The following CDH18 variants were observed in gnomAD, a reference collection of about 807,000 sequenced individuals.
The protein encoded by CDH18 is cadherin 18, also known as cadherin-18.
Under a neutral mutation model 67.9 loss-of-function variants are expected in CDH18, and 31 were observed. The observed-to-expected ratio is 0.46, with a 90% confidence interval of 0.34 to 0.62. The LOEUF (loss-of-function observed/expected upper bound fraction) is 0.62, where lower values mean the gene tolerates loss of function less well. Among genes scored for constraint, CDH18 ranks in the 20% least tolerant of loss-of-function variants. CDH18 has a pLI of 0.01. For missense variants in CDH18, 890 were observed against 975.5 expected (o/e 0.91, Z 1.17); for synonymous variants, 362 against 347.2 (o/e 1.04, Z -0.48).
At chr5:19,836,091 A>T (rs1397793903) in intron 3 of CDH18, among the ~76,000 whole-genome samples, 1 of 152,092 alleles carries the variant, frequency 6.6e-6, no homozygotes, top group East Asian at 1.9e-4. Flanking sequence ...TTTCCAGAAA[A>T]TTTTGTTTCT....
chr5:20,453,539 ATG>A (rs993191236), intron 1 of CDH18, among the ~76,000 whole-genome samples: 9 of 150,960 alleles, frequency 6.0e-5, no homozygotes, highest in African/African-American at 1.9e-4. Context: ...GTCTATAGAT[ATG>A]TGTGTATATG....
intron 5 of CDH18, among the ~76,000 whole-genome samples, chr5:19,693,660 G>A (rs1326850407): frequency 6.6e-6 from 1 of 152,126 alleles, no homozygotes; most frequent in Non-Finnish European, 1.5e-5. Flanking sequence ...ACTTTGGGAG[G>A]CCAAGGCAGG....
At chr5:20,476,409 T>TC (rs548369126) in intron 1 of CDH18, among the ~76,000 whole-genome samples, 128 of 151,872 alleles carry the variant, frequency 8.4e-4, no homozygotes, top group Non-Finnish European at 1.5e-3. Flanking sequence ...ATTTGATGAG[T>TC]CAGATCTTGA....
At chr5:20,222,006 C>G (rs551041713) in intron 2 of CDH18, among the ~76,000 whole-genome samples, 1 of 152,248 alleles carries the variant, frequency 6.6e-6, no homozygotes, top group South Asian at 2.1e-4. Flanking sequence ...ATGCTCAAAG[C>G]TCCAGATCAG....
At chr5:20,227,734 T>C (rs989839773) in intron 2 of CDH18, among the ~76,000 whole-genome samples, 1 of 152,010 alleles carries the variant, frequency 6.6e-6, no homozygotes, top group Admixed American at 6.6e-5. Context: ...GCAGTCCTAA[T>C]ACCTCAGCCT....
At chr5:20,505,190 T>A (rs757847050) in intron 1 of CDH18, among the ~76,000 whole-genome samples, 2 of 152,146 alleles carry the variant, frequency 1.3e-5, no homozygotes, top group African/African-American at 4.8e-5. Flanking sequence ...ATAAGTACAG[T>A]CTGTTACAAA....
intron 2 of CDH18, among the ~76,000 whole-genome samples, chr5:20,136,392 C>T (rs904101686): frequency 1.3e-5 from 2 of 152,122 alleles, no homozygotes; most frequent in African/African-American, 4.8e-5. Flanking sequence ...TCTGTTTTAT[C>T]AGAGACTAGG....
intron 2 of CDH18, among the ~76,000 whole-genome samples, chr5:20,132,081 G>T (rs977652745): frequency 9.2e-5 from 14 of 151,978 alleles, no homozygotes; most frequent in African/African-American, 2.9e-4. Flanking sequence ...TAGAGACGGG[G>T]TTTAACCATG....
chr5:20,080,424 G>A (rs899120014), intron 2 of CDH18, among the ~76,000 whole-genome samples: 3 of 152,104 alleles, frequency 2.0e-5, no homozygotes, highest in African/African-American at 7.2e-5. Context: ...TGATATACAA[G>A]TATAGTCAAC....
chr5:19,953,383 C>T (rs571066865), intron 2 of CDH18, among the ~76,000 whole-genome samples: 240 of 152,052 alleles, frequency 1.6e-3, no homozygotes, highest in Non-Finnish European at 2.7e-3. Context: ...CTTATTGTCT[C>T]TCTATTGGTT....
intron 5 of CDH18, among the ~76,000 whole-genome samples, chr5:19,629,783 T>A (rs1046882223): frequency 6.6e-6 from 1 of 152,234 alleles, no homozygotes; most frequent in African/African-American, 2.4e-5. Flanking sequence ...CTATATAAAT[T>A]TTTTTCAACC....
chr5:20,195,737 T>C (rs1738922661), intron 2 of CDH18, among the ~76,000 whole-genome samples: 1 of 152,100 alleles, frequency 6.6e-6, no homozygotes, highest in African/African-American at 2.4e-5. Context: ...TAGATTGCAA[T>C]TCAAATAATT....
chr5:19,914,475 G>C (rs954031558), intron 2 of CDH18, among the ~76,000 whole-genome samples: 5 of 152,046 alleles, frequency 3.3e-5, no homozygotes, highest in African/African-American at 9.7e-5. Context: ...ACACATAAGT[G>C]TGTGGATATA....
At chr5:19,759,119 A>G (rs1772006706) in intron 3 of CDH18, among the ~76,000 whole-genome samples, 1 of 152,200 alleles carries the variant, frequency 6.6e-6, no homozygotes. Context: ...GTTACCAGGA[A>G]ATGTTTTAAT....
chr5:20,486,723 G>A (rs1412811979), intron 1 of CDH18, among the ~76,000 whole-genome samples: 1 of 149,148 alleles, frequency 6.7e-6, no homozygotes, highest in African/African-American at 2.4e-5. Flanking sequence ...GTGTGTATGT[G>A]TGTGTGTGTT....
chr5:20,118,122 G>A (rs1349514196), intron 2 of CDH18, among the ~76,000 whole-genome samples: 1 of 152,072 alleles, frequency 6.6e-6, no homozygotes, highest in Non-Finnish European at 1.5e-5. Flanking sequence ...GCAAAAGGTG[G>A]TATATCAGCA....
intron 2 of CDH18, among the ~76,000 whole-genome samples, chr5:20,038,985 C>A (rs1740153868): frequency 6.6e-6 from 1 of 152,166 alleles, no homozygotes; most frequent in African/African-American, 2.4e-5. Context: ...TGATAAGCAA[C>A]TTCATCAAAG....
chr5:20,508,350 T>C (rs2126473127), intron 1 of CDH18, among the ~76,000 whole-genome samples: 1 of 133,370 alleles, frequency 7.5e-6, no homozygotes, highest in Non-Finnish European at 1.5e-5. Flanking sequence ...TATATATATA[T>C]ATATATATAT....
At chr5:20,171,563 T>A (rs1736712787) in intron 2 of CDH18, among the ~76,000 whole-genome samples, 1 of 152,020 alleles carries the variant, frequency 6.6e-6, no homozygotes. Context: ...TTAATTAGGT[T>A]GTTTGTTTTT....
Sources: allele counts gnomAD v4.1 joint callset (sites outside exome capture counted in the v4.1 genomes callset), GRCh38; gene constraint gnomAD v4.1.1; transcripts MANE v1.5; gene names NCBI Gene and HGNC (gene_info 2026-07-23, HGNC 2026-07-21).